ADAMTSL3: variants seen among roughly 807,000 people sequenced by gnomAD.
The protein encoded by ADAMTSL3 is ADAMTS-like protein 3.
Under a neutral mutation model 201.7 loss-of-function variants are expected in ADAMTSL3, and 128 were observed. The ratio of observed to expected loss-of-function variants is 0.63; its 90% confidence interval spans 0.55 to 0.73. The LOEUF (loss-of-function observed/expected upper bound fraction) is 0.73. Ranked by LOEUF, ADAMTSL3 falls within the 30% of genes least tolerant of loss-of-function variation. The pLI is 0.00. For missense variants in ADAMTSL3, 1,990 were observed against 2,119.6 expected (o/e 0.94, Z 1.20); for synonymous variants, 738 against 748.4 (o/e 0.99, Z 0.23).
At position 83,983,012 on chromosome 15, in the gene ADAMTSL3, A is replaced by C. The variant is rs758762838; in HGVS notation, c.3384A>C (p.Leu1128Phe). The part of the protein sequence containing the change: ...SQLIYQLVAE[L>F]AKAQPTHMQW... ...TGATATATCAGCTGGTGGCCGAATTAGCCAAGGCACAGCCAACACACATGC... is the reference window on the plus strand; with the variant it reads ...TGATATATCAGCTGGTGGCCGAATTCGCCAAGGCACAGCCAACACACATGC... Residue 1128 changes from leucine (L) to phenylalanine (F), a missense_variant, in exon 21 of 30, where the codon TTA becomes TTC. Physicochemically the swap from Leu to Phe is conservative, Grantham distance 22. Transcript: ENST00000286744. 1 of 1,614,206 alleles carries C rather than the reference A, an allele frequency of 6.2e-7. No homozygotes were observed. The highest frequency in any genetic ancestry group is 1.7e-5 in the Admixed American group (1 of 60,034).
intron 3 of ADAMTSL3, among the ~76,000 whole-genome samples, chr15:83,734,302 T>C (rs2062334918): frequency 6.6e-6 from 1 of 152,214 alleles, no homozygotes. Context: ...TAAGATTTTA[T>C]TGAGTTACCT....
At chr15:83,683,729 C>T (rs1006478004) in intron 2 of ADAMTSL3, among the ~76,000 whole-genome samples, 5 of 152,148 alleles carry the variant, frequency 3.3e-5, no homozygotes, top group Admixed American at 6.5e-5. Context: ...GTACTGTACC[C>T]GGCGCCTCCT....
chr15:83,790,683 C>A (rs901605672), intron 4 of ADAMTSL3, among the ~76,000 whole-genome samples: 7 of 152,046 alleles, frequency 4.6e-5, no homozygotes, highest in African/African-American at 1.7e-4. Context: ...TCTGTCTCAC[C>A]ACTCTTACCA....
At chr15:83,913,601 A>T (rs2065975673) in intron 16 of ADAMTSL3, among the ~76,000 whole-genome samples, 2 of 151,980 alleles carry the variant, frequency 1.3e-5, no homozygotes, top group Non-Finnish European at 2.9e-5. Context: ...AAAAAAGTAT[A>T]TTTGTTTGCC....
At chr15:83,778,028 G>A (rs1334475708) in intron 4 of ADAMTSL3, among the ~76,000 whole-genome samples, 2 of 152,110 alleles carry the variant, frequency 1.3e-5, no homozygotes, top group Non-Finnish European at 2.9e-5. Context: ...CTAAGAGCTT[G>A]AAGACTGGCT....
chr15:83,841,267 T>G (rs534333414), intron 7 of ADAMTSL3, among the ~76,000 whole-genome samples: 40 of 152,350 alleles, frequency 2.6e-4, no homozygotes, highest in Non-Finnish European at 4.9e-4. Context: ...ATTTGGATAA[T>G]GTCCTGCCTA....
rs529262471 is a variant in ADAMTSL3 at position 84,027,571 on chromosome 15, G to T, written c.4656+2135G>T. 8.5e-5 allele frequency among the ~76,000 whole-genome samples: 13 copies of T among 152,172 alleles called. No homozygotes were observed. The South Asian group carries it at 2.5e-3, about 29-fold the overall frequency. On this transcript the variant is annotated intron_variant, in intron 27 of 29. Coordinates refer to ENST00000286744, the MANE Select transcript of ADAMTSL3 (RefSeq NM_207517.3). ...TAAAAATACAAAAAATTAGCTGGGCGTGGTGGCGGGTGCCTGTAGTCCCGG... is the reference window on the plus strand; with the variant it reads ...TAAAAATACAAAAAATTAGCTGGGCTTGGTGGCGGGTGCCTGTAGTCCCGG...
chr15:83,674,292 A>G (rs1485533524), intron 2 of ADAMTSL3, among the ~76,000 whole-genome samples: 3 of 152,020 alleles, frequency 2.0e-5, no homozygotes, highest in South Asian at 2.1e-4. Flanking sequence ...GTCACATCTT[A>G]CGTTATATGG....
At chr15:83,774,668 T>G (rs140503824) in intron 4 of ADAMTSL3, among the ~76,000 whole-genome samples, 1 of 152,198 alleles carries the variant, frequency 6.6e-6, no homozygotes, top group Admixed American at 6.5e-5. Context: ...GGGATTATTC[T>G]TGCAAAGAGA....
intron 7 of ADAMTSL3, among the ~76,000 whole-genome samples, chr15:83,852,170 T>A (rs1483929761): frequency 6.6e-6 from 1 of 152,154 alleles, no homozygotes; most frequent in Non-Finnish European, 1.5e-5. Context: ...TGGTGTTCAG[T>A]GGTATGGTCT....
intron 7 of ADAMTSL3, 89 bp downstream of exon 7, chr15:83,838,304 CT>C: frequency 6.8e-7 from 1 of 1,480,496 alleles, no homozygotes; most frequent in East Asian, 2.5e-5. Context: ...GAATGTTAAG[CT>C]TTTTTAGTTG....
At chr15:83,836,791 C>T (rs1437860913) in intron 6 of ADAMTSL3, among the ~76,000 whole-genome samples, 2 of 152,074 alleles carry the variant, frequency 1.3e-5, no homozygotes, top group African/African-American at 4.8e-5. Context: ...AAACGAGTCT[C>T]TGAGAGTTTG....
intron 7 of ADAMTSL3, among the ~76,000 whole-genome samples, chr15:83,842,710 C>G (rs1263005345): frequency 6.6e-6 from 1 of 152,148 alleles, no homozygotes; most frequent in Admixed American, 6.5e-5. Context: ...GATTGTAGGA[C>G]AAACCAAAGT....
chr15:83,668,089 T>G (rs1263842620), intron 2 of ADAMTSL3, among the ~76,000 whole-genome samples: 6 of 151,990 alleles, frequency 3.9e-5, no homozygotes, highest in Non-Finnish European at 8.8e-5. Context: ...GCTCTTCAGC[T>G]TGAAACAACA....
intron 3 of ADAMTSL3, among the ~76,000 whole-genome samples, chr15:83,745,969 T>G (rs2062539098): frequency 2.0e-5 from 3 of 152,136 alleles, no homozygotes; most frequent in Non-Finnish European, 4.4e-5. Flanking sequence ...ATTAGTGTTG[T>G]CAGCTGCAGG....
At chr15:83,694,462 A>G (rs1256291581) in intron 2 of ADAMTSL3, 1 of 152,078 alleles carries the variant, frequency 6.6e-6, no homozygotes, top group African/African-American at 2.4e-5. Flanking sequence ...TACTATTTTC[A>G]GTTTTTTTCC....
chr15:83,749,032 C>T (rs1289737966), intron 3 of ADAMTSL3, among the ~76,000 whole-genome samples: 2 of 152,030 alleles, frequency 1.3e-5, no homozygotes, highest in Non-Finnish European at 2.9e-5. Flanking sequence ...AGGTGTCAAA[C>T]TGAAATGCAG....
rs1236621760 is a variant in ADAMTSL3 at position 83,659,392 on chromosome 15, G to A, written c.69+3562G>A. Among the ~76,000 whole-genome samples, 4 of 152,324 alleles carry A rather than the reference G, an allele frequency of 2.6e-5. No individual in the cohort carries two copies. In the East Asian group the frequency reaches 7.7e-4, roughly 29 times the overall value. ...ATCCTGTCCCCTGGGTCTTGTTGGT[G>A]CATAAGTATAGGACAGAATTATTTA... On this transcript the variant is annotated intron_variant, in intron 2 of 29. Coordinates refer to ENST00000286744, the MANE Select transcript of ADAMTSL3 (RefSeq NM_207517.3).
intron 27 of ADAMTSL3, among the ~76,000 whole-genome samples, chr15:84,028,773 A>G (rs1193157558): frequency 1.3e-5 from 2 of 152,120 alleles, no homozygotes; most frequent in Non-Finnish European, 2.9e-5. Context: ...AATCCCCATA[A>G]TCCTCAATAT....
Sources: allele counts gnomAD v4.1 joint callset (sites outside exome capture counted in the v4.1 genomes callset), GRCh38; gene constraint gnomAD v4.1.1; transcripts MANE v1.5; gene names NCBI Gene and HGNC (gene_info 2026-07-23, HGNC 2026-07-21).